RBM18: variants seen among roughly 807,000 people sequenced by gnomAD.
RBM18 encodes the protein RNA binding motif protein 18.
In RBM18, 18 loss-of-function variants were observed where a neutral mutation model predicts 26.4. The ratio of observed to expected loss-of-function variants is 0.68; its 90% CI spans 0.47 to 1.01. RBM18 has a LOEUF of 1.01. Ranked by LOEUF, RBM18 falls within the 50% of genes least tolerant of loss-of-function variation. RBM18 has a pLI of 0.00. For missense variants in RBM18, 180 were observed against 219.2 expected (o/e 0.82, Z 1.13); for synonymous variants, 74 against 81.1 (o/e 0.91, Z 0.47).
chr9:122,258,908 CAAAAA>C (rs11453707), intron 2 of RBM18, among the ~76,000 whole-genome samples: 1 of 109,406 alleles, frequency 9.1e-6, no homozygotes, highest in African/African-American at 3.8e-5. Context: ...ACAGAGCTGT[CAAAAA>C]AAAAAAAAAA....
intron 2 of RBM18, among the ~76,000 whole-genome samples, chr9:122,252,479 G>T (rs1309554958): frequency 6.6e-6 from 1 of 152,206 alleles, no homozygotes; most frequent in Non-Finnish European, 1.5e-5. Context: ...CTTCCTATTA[G>T]ATTTTGTAGT....
At chr9:122,260,011 C>G (rs190217350) in intron 2 of RBM18, among the ~76,000 whole-genome samples, 349 of 152,210 alleles carry the variant, frequency 2.3e-3, no homozygotes, top group Non-Finnish European at 3.2e-3. Flanking sequence ...GTCTTTAACA[C>G]TATTCTAAAG....
chr9:122,255,984 T>C (rs1198630372), intron 2 of RBM18, among the ~76,000 whole-genome samples: 2 of 151,814 alleles, frequency 1.3e-5, no homozygotes, highest in Non-Finnish European at 2.9e-5. Context: ...TGAGCTGAGA[T>C]TGAGCCACTG....
chr9:122,255,375 T>A (rs1831675348), intron 2 of RBM18, among the ~76,000 whole-genome samples: 1 of 152,190 alleles, frequency 6.6e-6, no homozygotes, highest in African/African-American at 2.4e-5. Context: ...AACACACTGT[T>A]CTTGCATGCT....
rs1156654041 is a variant in RBM18, at chr9:122,241,993, T to C, written c.464A>G (p.Glu155Gly). The C allele has an allele frequency of 1.9e-6, 3 of 1,614,116 alleles. No individual in the cohort carries two copies. The highest frequency in any genetic ancestry group is 1.1e-5 in the South Asian group (1 of 91,064). The change falls in exon 6 of 6, where the codon GAA (glutamate) becomes GGA (glycine). Residue 155 changes from glutamate (E) to glycine (G), a missense_variant. Glu to Gly is a moderately conservative substitution (Grantham distance 98). Transcript: ENST00000417201. ...TGCTGGATACTCTGCATCAGGATTT[T>C]CCGCCATCATTTTCAGTTTTGCTTC... ...AIEAKLKMMA[E>G]NPDAEYPAAP...
intron 3 of RBM18, among the ~76,000 whole-genome samples, chr9:122,249,510 T>C (rs4837953): frequency 0.89 from 135,366 of 151,688 alleles, 61,423 homozygotes; most frequent in East Asian, 1. Context: ...CCCAGGAGTT[T>C]GATCAGCCTG....
chr9:122,239,651 G>C lies in RBM18; in HGVS notation c.*2233C>G, dbSNP rs1383000044. ...CCTGAAATTTAAAAACCTTTCATCA[G>C]ACTGCTTTCAGCATATTTAGGATAC... On this transcript the variant is annotated 3_prime_UTR_variant, in exon 6 of 6. Transcript: ENST00000417201. 6.6e-6 allele frequency: 1 copy of C among 152,192 alleles called. No individual in the cohort carries two copies. Among genetic ancestry groups the C allele is most frequent in the Non-Finnish European group, 1.5e-5 (1 of 68,048 alleles). The allele number at this position is 152,192 out of a possible 1,614,324, so 9.4% of individuals were successfully genotyped here.
chr9:122,244,238 C>T (rs1831469765), intron 5 of RBM18, among the ~76,000 whole-genome samples: 1 of 152,132 alleles, frequency 6.6e-6, no homozygotes, highest in Non-Finnish European at 1.5e-5. Flanking sequence ...GGAACACCTT[C>T]CCTTGGGTTT....
chr9:122,257,607 A>T (rs1202701391), intron 2 of RBM18, among the ~76,000 whole-genome samples: 1 of 152,216 alleles, frequency 6.6e-6, no homozygotes, highest in African/African-American at 2.4e-5. Context: ...AGGCACACAC[A>T]CATAGAATGA....
chr9:122,250,540 A>G (rs531417160), intron 3 of RBM18, among the ~76,000 whole-genome samples: 2 of 152,340 alleles, frequency 1.3e-5, no homozygotes, highest in African/African-American at 4.8e-5. Context: ...TAAAATGCCC[A>G]AATCTCAAAT....
intron 2 of RBM18, among the ~76,000 whole-genome samples, chr9:122,255,499 A>G (rs979119894): frequency 5.9e-5 from 9 of 151,778 alleles, no homozygotes; most frequent in African/African-American, 1.9e-4. Flanking sequence ...TGCTTAACAC[A>G]CCCCAAACTG....
Position 122,247,660 on chromosome 9 carries a change from T to C in RBM18, c.241-56A>G, listed in dbSNP as rs192506658. The C allele has an allele frequency of 2.7e-4, 366 of 1,361,160 alleles. No individual in the cohort carries two copies. In the African/African-American group the frequency reaches 3.3e-3, roughly 12 times the overall value. 84.3% of individuals were successfully genotyped at this position (1,361,160 alleles called of 1,614,324 possible). A position where few individuals can be genotyped will look rare whatever the true frequency, so the allele number is the denominator to read the frequency against. ...AAACTGAAATGCTTAACTAGCTATATGTATTCTCACAGGGCTTCACTAGCT... is the reference window on the plus strand; with the variant it reads ...AAACTGAAATGCTTAACTAGCTATACGTATTCTCACAGGGCTTCACTAGCT... On this transcript the variant is annotated intron_variant, in intron 3 of 5. Transcript: ENST00000417201.
At chr9:122,252,407 T>TAAAC (rs57855417) in intron 2 of RBM18, among the ~76,000 whole-genome samples, 140,868 of 152,132 alleles carry the variant, frequency 0.93, 65,542 homozygotes, top group East Asian at 1. Context: ...ATCTCAAAAA[T>TAAAC]AAAGTAACAA....
rs140819196 is a variant in RBM18, at chr9:122,257,001, C to G, written c.113+4379G>C. ...ATAAACAAGAATGCATCATCACTCC[C>G]TCAAATCCTAATCTCCAAGATGTAT... is the stretch of plus-strand genomic sequence containing the variant. On this transcript the variant is annotated intron_variant, in intron 2 of 5. Coordinates refer to ENST00000417201, the MANE Select transcript of RBM18 (RefSeq NM_033117.4). 5.6e-3 allele frequency among the ~76,000 whole-genome samples: 849 copies of G among 152,322 alleles called. 8 individuals carry two copies. The highest frequency in any genetic ancestry group is 0.019 in the African/African-American group (810 of 41,584).
At chr9:122,244,441 G>GC (rs769486427) in intron 5 of RBM18, among the ~76,000 whole-genome samples, 4 of 152,140 alleles carry the variant, frequency 2.6e-5, no homozygotes, top group Non-Finnish European at 4.4e-5. Context: ...TTTTAGTCCT[G>GC]CATTTACAGC....
chr9:122,252,048 G>T, intron 2 of RBM18, 75 bp from the exon 3 acceptor site: 1 of 1,582,768 alleles, frequency 6.3e-7, no homozygotes, highest in Non-Finnish European at 8.6e-7. Context: ...TGAGATAAAA[G>T]CAGGAGATAA....
chr9:122,261,292 T>C (rs1208758163), intron 2 of RBM18, 88 bp downstream of exon 2: 6 of 879,430 alleles, frequency 6.8e-6, no homozygotes, highest in Non-Finnish European at 1.2e-5. Context: ...TCTAAGTATA[T>C]CCCACACCCC....
intron 2 of RBM18, chr9:122,254,197 A>G (rs985566413): frequency 7.5e-5 from 15 of 201,214 alleles, no homozygotes; most frequent in East Asian, 1.9e-4. Flanking sequence ...ATTTACTCAG[A>G]AAAAAAAAAA....
rs1831406481 is a variant in RBM18, at chr9:122,240,940, C to T, written c.*944G>A. On this transcript the variant is annotated 3_prime_UTR_variant, in exon 6 of 6. Coordinates refer to ENST00000417201, the MANE Select transcript of RBM18 (RefSeq NM_033117.4). ...AATCTCTTCCACTTAGACCGCTACA[C>T]AATTATTAGAAAATTGTATGTTTGA... The T allele has an allele frequency of 6.6e-6, 1 of 152,192 alleles. No homozygotes were observed. The highest frequency in any genetic ancestry group is 1.5e-5 in the Non-Finnish European group (1 of 68,042). The allele number at this position is 152,192 out of a possible 1,614,324, so 9.4% of individuals were successfully genotyped here.
Sources: gnomAD v4.1 joint callset for allele counts (sites outside exome capture counted in the v4.1 genomes callset) on GRCh38, gnomAD v4.1.1 for gene constraint, MANE v1.5 for transcripts, NCBI Gene and HGNC (gene_info 2026-07-23, HGNC 2026-07-21) for gene names.